IL12RB2: variants seen among roughly 807,000 people sequenced by gnomAD.
The protein encoded by IL12RB2 is interleukin 12 receptor subunit beta 2.
IL12RB2 carries 82 observed loss-of-function variants against 89.4 expected under a neutral mutation model. The observed-to-expected ratio is 0.92, with a 90% CI of 0.77 to 1.10. IL12RB2 has a LOEUF of 1.10. IL12RB2 is among the 50% of genes least tolerant of loss of function. The pLI is 0.00. For synonymous variants in IL12RB2, 368 were observed against 370.1 expected (o/e 0.99, Z 0.07); for missense variants, 963 against 1,031.9 (o/e 0.93, Z 0.92).
chr1:67,311,280 C>T (rs957653623), intron 1 of IL12RB2, among the ~76,000 whole-genome samples: 3 of 152,124 alleles, frequency 2.0e-5, no homozygotes, highest in African/African-American at 7.2e-5. Flanking sequence ...AGCCCTGAGG[C>T]ATGCTGAGAA....
chr1:67,356,249 C>G (rs1446722198), intron 10 of IL12RB2, among the ~76,000 whole-genome samples: 1 of 152,164 alleles, frequency 6.6e-6, no homozygotes, highest in Non-Finnish European at 1.5e-5. Context: ...GCTGAGTTCC[C>G]CCTCTGGGGA....
rs1482972421 is a variant in IL12RB2, at chr1:67,320,646, A to G, written c.76+202A>G. ...CACTAATGATTAATATAAGGGTCCA[A>G]TTATTTTATTTCTTCCTAAGAAAGT... is the stretch of plus-strand genomic sequence containing the variant. On this transcript the variant is annotated intron_variant, in intron 3 of 16. Transcript: ENST00000674203. Among the ~76,000 whole-genome samples the G allele has an allele frequency of 2.0e-5, 3 of 152,190 alleles. No individual in the cohort carries two copies. In the East Asian group the frequency reaches 5.8e-4, roughly 29 times the overall value.
chr1:67,348,449 T>A lies in IL12RB2; in HGVS notation c.1039-2421T>A, dbSNP rs115066008. On this transcript the variant is annotated intron_variant, in intron 9 of 16. Coordinates refer to ENST00000674203, the MANE Select transcript of IL12RB2 (RefSeq NM_001374259.2). ...GAGAGCTCTGGGCTCTGCGCCTACC[T>A]TCTTCATCTGTCCATTGAATGGCCT... Among the ~76,000 whole-genome samples, 888 of 152,278 alleles carry A rather than the reference T, an allele frequency of 5.8e-3. 8 individuals carry two copies. Among genetic ancestry groups the A allele is most frequent in the Middle Eastern group, 0.024 (7 of 294 alleles).
At chr1:67,337,201 G>A (rs1163418276) in intron 8 of IL12RB2, among the ~76,000 whole-genome samples, 1 of 152,078 alleles carries the variant, frequency 6.6e-6, no homozygotes, top group Admixed American at 6.5e-5. Flanking sequence ...CTGTTATCCA[G>A]GTGGTGGGAC....
chr1:67,380,906 T>G (rs1664502120), intron 14 of IL12RB2, among the ~76,000 whole-genome samples: 1 of 152,206 alleles, frequency 6.6e-6, no homozygotes, highest in African/African-American at 2.4e-5. Flanking sequence ...TACTCCAGTA[T>G]AACTTCATCT....
At chr1:67,308,709 C>G (rs1167145357) in intron 1 of IL12RB2, among the ~76,000 whole-genome samples, 1 of 152,132 alleles carries the variant, frequency 6.6e-6, no homozygotes, top group Non-Finnish European at 1.5e-5. Context: ...AACCTAAAAG[C>G]ATACAAATAG....
At chr1:67,385,938 C>T (rs558780074) in intron 14 of IL12RB2, among the ~76,000 whole-genome samples, 4 of 152,148 alleles carry the variant, frequency 2.6e-5, no homozygotes, top group South Asian at 4.2e-4. Flanking sequence ...AGGCCGGGCA[C>T]GGTGGCTCAC....
chr1:67,344,295 A>AT (rs1236578639), intron 9 of IL12RB2, among the ~76,000 whole-genome samples: 6 of 152,102 alleles, frequency 3.9e-5, no homozygotes, highest in Non-Finnish European at 2.9e-5. Context: ...AATTTTAATA[A>AT]TTTTTTTTCT....
At position 67,320,368 on chromosome 1, in the gene IL12RB2, G is replaced by A; in HGVS notation, c.-1G>A. ...GAGTTCTATACCAGAGTTGATTGTT[G>A]ATGGCACATACTTTTAGAGGATGCT... On this transcript the variant is annotated 5_prime_UTR_variant, in exon 3 of 17. Coordinates refer to ENST00000674203, the MANE Select transcript of IL12RB2 (RefSeq NM_001374259.2). The A allele has an allele frequency of 7.4e-6, 12 of 1,613,914 alleles. No individual in the cohort carries two copies. The highest frequency in any genetic ancestry group is 1.0e-5 in the Non-Finnish European group (12 of 1,179,924).
At chr1:67,352,192 T>C (rs943578743) in intron 10 of IL12RB2, among the ~76,000 whole-genome samples, 2 of 152,216 alleles carry the variant, frequency 1.3e-5, no homozygotes, top group Non-Finnish European at 2.9e-5. Flanking sequence ...ATGTATAGTA[T>C]ATGCATATAA....
At chr1:67,356,708 C>T (rs907072198) in intron 10 of IL12RB2, among the ~76,000 whole-genome samples, 1 of 151,984 alleles carries the variant, frequency 6.6e-6, no homozygotes, top group African/African-American at 2.4e-5. Flanking sequence ...ACATGGAGGA[C>T]CATGAGCTAT....
chr1:67,371,880 C>G (rs1242973013), intron 11 of IL12RB2, among the ~76,000 whole-genome samples: 3 of 152,210 alleles, frequency 2.0e-5, no homozygotes, highest in Non-Finnish European at 2.9e-5. Flanking sequence ...TTAGTTATGC[C>G]TGAGTGTGTC....
chr1:67,385,397 G>C (rs1247365671), intron 14 of IL12RB2, among the ~76,000 whole-genome samples: 2 of 152,170 alleles, frequency 1.3e-5, no homozygotes, highest in Non-Finnish European at 2.9e-5. Context: ...CTGCCCCCAT[G>C]ATTCAATTAC....
chr1:67,330,587 T>TC, intron 7 of IL12RB2, 73 bp from the exon 8 acceptor site: 1 of 789,414 alleles, frequency 1.3e-6, no homozygotes, highest in Non-Finnish European at 2.2e-6. Flanking sequence ...TTTTTTTTTT[T>TC]CATTTTATGT....
intron 10 of IL12RB2, among the ~76,000 whole-genome samples, chr1:67,360,678 C>G (rs1021180935): frequency 1.3e-5 from 2 of 151,884 alleles, no homozygotes; most frequent in Admixed American, 6.6e-5. Flanking sequence ...TGCCTGTAAT[C>G]CCAGCTACTT....
chr1:67,370,296 G>A (rs756745558), intron 11 of IL12RB2, among the ~76,000 whole-genome samples: 2 of 152,064 alleles, frequency 1.3e-5, no homozygotes, highest in Non-Finnish European at 2.9e-5. Context: ...AATACAGCCC[G>A]GCTCCTGATT....
intron 13 of IL12RB2, among the ~76,000 whole-genome samples, chr1:67,373,195 C>A (rs1663561228): frequency 6.6e-6 from 1 of 152,144 alleles, no homozygotes. Flanking sequence ...GCAGCCTTGA[C>A]CTCCCTGGGC....
intron 9 of IL12RB2, among the ~76,000 whole-genome samples, chr1:67,347,678 G>GA (rs895771273): frequency 6.6e-6 from 1 of 152,168 alleles, no homozygotes; most frequent in Non-Finnish European, 1.5e-5. Flanking sequence ...AAAATGGAAG[G>GA]AGAGAGGCAA....
chr1:67,321,150 C>T (rs1406690918), intron 3 of IL12RB2, among the ~76,000 whole-genome samples: 1 of 151,692 alleles, frequency 6.6e-6, no homozygotes, highest in Non-Finnish European at 1.5e-5. Context: ...TTTTTTAATA[C>T]TCTTTTAAAA....
Sources: gnomAD v4.1 joint callset for allele counts (sites outside exome capture counted in the v4.1 genomes callset) on GRCh38, gnomAD v4.1.1 for gene constraint, MANE v1.5 for transcripts, NCBI Gene and HGNC (gene_info 2026-07-23, HGNC 2026-07-21) for gene names.